The following ANKRD44 variants were observed in gnomAD, a reference collection of about 807,000 sequenced individuals.
The protein encoded by ANKRD44 is serine/threonine-protein phosphatase 6 regulatory ankyrin repeat subunit B.
Under a neutral mutation model 116.0 loss-of-function variants are expected in ANKRD44, and 35 were observed. The observed-to-expected ratio is 0.30, with a 90% CI of 0.23 to 0.40. ANKRD44 has a LOEUF of 0.40. ANKRD44 is among the 10% of genes least tolerant of loss of function. The probability of loss-of-function intolerance (pLI) is 1.00; values close to 1 mark genes in which losing one functional copy is unlikely to be tolerated. For synonymous variants in ANKRD44, 435 were observed against 461.8 expected, an observed-to-expected ratio of 0.94 and a Z score of 0.74; for missense variants, 1,014 against 1,242.6, an observed-to-expected ratio of 0.82 and a Z score of 2.77.
intron 1 of ANKRD44, among the ~76,000 whole-genome samples, chr2:197,307,795 C>A (rs1283900191): frequency 1.3e-5 from 2 of 152,184 alleles, no homozygotes; most frequent in Admixed American, 6.5e-5. Flanking sequence ...CAAATCCAGA[C>A]AATTTGTGTT....
At chr2:197,015,936 TG>T in intron 17 of ANKRD44, 1 of 530,396 alleles carries the variant, frequency 1.9e-6, no homozygotes, top group South Asian at 1.4e-5. Flanking sequence ...GTAGTTTTGG[TG>T]GAAGAAGCTC....
At chr2:197,211,644 T>C (rs1325004226) in intron 1 of ANKRD44, among the ~76,000 whole-genome samples, 2 of 151,954 alleles carry the variant, frequency 1.3e-5, no homozygotes, top group South Asian at 2.1e-4. Flanking sequence ...ATCCCATGAG[T>C]ACATTTCTCA....
At chr2:196,989,772 T>C in intron 27 of ANKRD44, 123 bp from the exon 28 acceptor site, 1 of 1,487,806 alleles carries the variant, frequency 6.7e-7, no homozygotes, top group Non-Finnish European at 9.0e-7. Flanking sequence ...TTGTTCCTTT[T>C]TGCAGTCACA....
At chr2:196,993,794 GT>G in intron 26 of ANKRD44, 120 bp from the exon 27 acceptor site, 1 of 736,106 alleles carries the variant, frequency 1.4e-6, no homozygotes, top group South Asian at 1.8e-5. Flanking sequence ...GTACATGGAT[GT>G]TTTTACTTAA....
At chr2:197,111,494 C>T (rs2078564355) in intron 8 of ANKRD44, among the ~76,000 whole-genome samples, 1 of 152,146 alleles carries the variant, frequency 6.6e-6, no homozygotes, top group Non-Finnish European at 1.5e-5. Context: ...CAAAAATTAG[C>T]CAGGCATGGT....
chr2:196,976,871 AGAAG>A lies in ANKRD44; in HGVS notation c.2369-9429_2369-9426del, dbSNP rs144104097. Among the ~76,000 whole-genome samples, 306 of 149,840 alleles carry A rather than the reference AGAAG, an allele frequency of 2.0e-3. 4 individuals carry two copies. In the East Asian group the frequency reaches 0.031, roughly 15 times the overall value. On this transcript the variant is annotated intron_variant, in intron 21 of 21. Coordinates refer to the ANKRD44 transcript ENST00000424317. The stretch of plus-strand genomic sequence containing the variant: ...CAGCAGAGTGAGATCTTGTCTCAAA[AGAAG>A]GAAGGAAGGAAGGAAGGCAGGAAAG...
intron 2 of ANKRD44, among the ~76,000 whole-genome samples, chr2:197,180,960 TA>T (rs11354971): frequency 0.96 from 145,391 of 152,056 alleles, 69,539 homozygotes; most frequent in East Asian, 1. Flanking sequence ...ATATAGTGTC[TA>T]TTTTTTTTCT....
At chr2:197,205,584 G>A (rs999593842) in intron 1 of ANKRD44, among the ~76,000 whole-genome samples, 3 of 152,202 alleles carry the variant, frequency 2.0e-5, no homozygotes, top group African/African-American at 7.2e-5. Flanking sequence ...GTTCAACTAT[G>A]CCATATTGCC....
chr2:197,209,055 G>T (rs1260820811), intron 1 of ANKRD44, among the ~76,000 whole-genome samples: 2 of 152,162 alleles, frequency 1.3e-5, no homozygotes, highest in Non-Finnish European at 2.9e-5. Context: ...GCTTTGCTTT[G>T]TGCCGCTCAA....
intron 1 of ANKRD44, among the ~76,000 whole-genome samples, chr2:197,260,480 C>T (rs536099091): frequency 4.7e-4 from 71 of 152,224 alleles, no homozygotes; most frequent in Admixed American, 2.5e-3. Context: ...TCCAGTCTAT[C>T]GTTGTTGGAC....
intron 16 of ANKRD44, among the ~76,000 whole-genome samples, chr2:197,041,563 C>G (rs973690066): frequency 6.6e-6 from 1 of 152,194 alleles, no homozygotes; most frequent in African/African-American, 2.4e-5. Context: ...CCTCTCTTCT[C>G]TCCCCATTCT....
intron 16 of ANKRD44, among the ~76,000 whole-genome samples, chr2:197,068,492 A>G (rs2125086286): frequency 6.6e-6 from 1 of 151,882 alleles, no homozygotes; most frequent in East Asian, 1.9e-4. Flanking sequence ...GAGCTTCTGC[A>G]CAGCAAAAGA....
At chr2:197,198,637 C>A (rs1261452931) in intron 1 of ANKRD44, among the ~76,000 whole-genome samples, 6 of 151,510 alleles carry the variant, frequency 4.0e-5, no homozygotes, top group Admixed American at 3.9e-4. Context: ...ACTAAAAATA[C>A]AAAAAATTAG....
chr2:197,126,881 C>A (rs567584787), intron 4 of ANKRD44, among the ~76,000 whole-genome samples: 1 of 152,038 alleles, frequency 6.6e-6, no homozygotes, highest in Middle Eastern at 3.4e-3. Flanking sequence ...GCTACTCAGG[C>A]GGCTGAAGTG....
At chr2:197,194,932 T>C (rs2080911814) in intron 1 of ANKRD44, among the ~76,000 whole-genome samples, 1 of 152,126 alleles carries the variant, frequency 6.6e-6, no homozygotes, top group South Asian at 2.1e-4. Context: ...GGAGAGTAAA[T>C]CTTTCATGTT....
rs117555553 is a variant in ANKRD44, at chr2:197,059,644, T to C, written c.1650+19059A>G. On this transcript the variant is annotated intron_variant, in intron 16 of 27. Coordinates refer to ENST00000282272, the MANE Select transcript of ANKRD44 (RefSeq NM_001195144.2). ...GATGGGAGAGACAGACACACATGTA[T>C]TCAGATATGCGCCTGCCTCACATTT... Among the ~76,000 whole-genome samples the C allele has an allele frequency of 1.2e-4, 19 of 152,328 alleles. No homozygotes were observed. In the East Asian group the frequency reaches 3.7e-3, roughly 29 times the overall value.
intron 1 of ANKRD44, among the ~76,000 whole-genome samples, chr2:197,287,791 G>A (rs13431991): frequency 0.01 from 1,582 of 151,950 alleles, 23 homozygotes; most frequent in African/African-American, 0.036. Context: ...AGGCCGAGGC[G>A]GGCATATCAC....
intron 1 of ANKRD44, among the ~76,000 whole-genome samples, chr2:197,244,412 A>G (rs1028673209): frequency 1.3e-5 from 2 of 152,222 alleles, no homozygotes; most frequent in Non-Finnish European, 2.9e-5. Flanking sequence ...GTCAGTATAT[A>G]AGCAGCAGGC....
intron 2 of ANKRD44, among the ~76,000 whole-genome samples, chr2:197,153,329 C>T (rs1275821702): frequency 6.6e-6 from 1 of 150,430 alleles, no homozygotes; most frequent in Non-Finnish European, 1.5e-5. Flanking sequence ...TCCAAACTTC[C>T]AAATTCCCAC....
Sources: allele counts gnomAD v4.1 joint callset (sites outside exome capture counted in the v4.1 genomes callset), GRCh38; gene constraint gnomAD v4.1.1; transcripts MANE v1.5; gene names NCBI Gene and HGNC (gene_info 2026-07-23, HGNC 2026-07-21).